The following IFT20 variants were observed in gnomAD, a reference collection of about 807,000 sequenced individuals.
The protein encoded by IFT20 is intraflagellar transport 20.
Under a neutral mutation model 16.9 loss-of-function variants are expected in IFT20, and 4 were observed. The ratio of observed to expected loss-of-function variants is 0.24; its 90% confidence interval spans 0.12 to 0.54. The LOEUF (loss-of-function observed/expected upper bound fraction) is 0.54, where lower values mean the gene tolerates loss of function less well. Among genes scored for constraint, IFT20 ranks in the 20% least tolerant of loss-of-function variants. The pLI, the probability that IFT20 is intolerant of heterozygous loss-of-function variation, is 0.95. For synonymous variants in IFT20, 48 were observed against 49.9 expected (o/e 0.96, Z 0.16); for missense variants, 154 against 149.7 (o/e 1.03, Z -0.15).
At position 28,328,693 on chromosome 17, in the gene IFT20, C is replaced by T. The variant is rs1555575936; in HGVS notation, c.358G>A (p.Glu120Lys). The change falls in exon 5 of 5, where the codon GAA becomes AAA. Residue 120 changes from glutamate (E) to lysine (K), a missense_variant. Coordinates refer to ENST00000395418, the MANE Select transcript of IFT20 (RefSeq NM_001267776.2). ...EYEALCKVEA[E>K]QNEFIDQFIF... ...AATTGGTCAATAAATTCATTTTGTT[C>T]TGCTTCTACTTTACACAAAGCTTCA... 4 of 1,605,334 alleles carry T rather than the reference C, an allele frequency of 2.5e-6. No homozygotes were observed. The highest frequency in any genetic ancestry group is 1.1e-5 in the South Asian group (1 of 88,922).
chr17:28,330,508 T>C lies in IFT20; in HGVS notation c.148A>G (p.Ile50Val), dbSNP rs781871349. The C allele has an allele frequency of 1.2e-5, 19 of 1,613,220 alleles. No homozygotes were observed. Among genetic ancestry groups the C allele is most frequent in the Non-Finnish European group, 1.4e-5 (17 of 1,179,206 alleles). ...FVDKIGQFQK[I>V]VGGLIELVDQ... ...ACAAGCTCAATTAAACCACCAACTATTTTCTGAAACTGGCCAATTTCTTTT... is the reference window on the plus strand; with the variant it reads ...ACAAGCTCAATTAAACCACCAACTACTTTCTGAAACTGGCCAATTTCTTTT... The change falls in exon 3 of 5, where the codon ATA (isoleucine) becomes GTA (valine). Residue 50 changes from isoleucine to valine, a missense_variant. Transcript: ENST00000395418.
Position 28,332,544 on chromosome 17 carries a change from T to C in IFT20, c.-2-557A>G, listed in dbSNP as rs1387491850. 4.7e-5 allele frequency: 9 copies of C among 192,024 alleles called. No homozygotes were observed. In the South Asian group the frequency reaches 5.0e-4, roughly 11 times the overall value. The allele number at this position is 192,024 out of a possible 1,614,324, so 11.9% of individuals were successfully genotyped here. On this transcript the variant is annotated intron_variant, in intron 1 of 4. Coordinates refer to ENST00000395418, the MANE Select transcript of IFT20 (RefSeq NM_001267776.2). Reference sequence around the variant, plus strand: ...TATTTACTTTATATATCACCAGTTATGTACTGAAAAGCACATGAAAAGGCT... The same window carrying C: ...TATTTACTTTATATATCACCAGTTACGTACTGAAAAGCACATGAAAAGGCT...
chr17:28,332,240 A>G (rs1906839114), intron 1 of IFT20: 1 of 1,532,740 alleles, frequency 6.5e-7, no homozygotes, highest in Non-Finnish European at 8.7e-7. Flanking sequence ...GGGTCAGGAA[A>G]GAATAAAGTC....
intron 4 of IFT20, 78 bp downstream of exon 4, chr17:28,329,095 G>T: frequency 1.0e-6 from 1 of 962,558 alleles, no homozygotes; most frequent in Non-Finnish European, 1.7e-6. Context: ...GAAGAATAAG[G>T]ACAAGAAGTG....
In IFT20 at chr17:28,332,042, C is replaced by T. The variant is rs1484966448; in HGVS notation, c.-2-55G>A. The T allele has an allele frequency of 4.5e-5, 72 of 1,612,728 alleles. No individual in the cohort carries two copies. In the Middle Eastern group the frequency reaches 1.6e-3, roughly 37 times the overall value. ...ACTTCCCAGCCACCCAAGGAAATGCCTGCTGCCAAGCCAGCCCCACTCCTG... is the reference window on the plus strand; with the variant it reads ...ACTTCCCAGCCACCCAAGGAAATGCTTGCTGCCAAGCCAGCCCCACTCCTG... On this transcript the variant is annotated intron_variant, in intron 1 of 4. Coordinates refer to ENST00000395418, the MANE Select transcript of IFT20 (RefSeq NM_001267776.2).
intron 1 of IFT20, among the ~76,000 whole-genome samples, chr17:28,334,950 G>T (rs2142376791): frequency 6.6e-6 from 1 of 152,288 alleles, no homozygotes. Flanking sequence ...CAGGGAAAGA[G>T]TTCACAGATT....
chr17:28,329,368 C>A, intron 3 of IFT20, 92 bp from the exon 4 acceptor site: 1 of 974,286 alleles, frequency 1.0e-6, no homozygotes, highest in South Asian at 1.4e-5. Flanking sequence ...GGAGCTGTGT[C>A]AGTCTTCAGA....
intron 3 of IFT20, chr17:28,330,228 T>A (rs1555576292): frequency 5.3e-6 from 3 of 563,968 alleles, no homozygotes; most frequent in African/African-American, 2.6e-5. Context: ...ACAGCAAGAC[T>A]CTGTCTCAAA....
In IFT20 at chr17:28,329,282, G is replaced by T. The variant is rs1027266535; in HGVS notation, c.214-6C>A. Reference sequence around the variant, plus strand: ...AAGTTCCGAGCACCGATGGCCTACAGTATTGCCAGAGAAGGCCATGGCTTC... The same window carrying T: ...AAGTTCCGAGCACCGATGGCCTACATTATTGCCAGAGAAGGCCATGGCTTC... On this transcript the variant is annotated splice_polypyrimidine_tract_variant and splice_region_variant and intron_variant, in intron 3 of 4. Transcript: ENST00000395418. 9 of 1,610,614 alleles carry T rather than the reference G, an allele frequency of 5.6e-6. No individual in the cohort carries two copies. The highest frequency in any genetic ancestry group is 7.6e-6 in the Non-Finnish European group (9 of 1,177,464).
intron 1 of IFT20, chr17:28,332,630 A>G (rs1487731911): frequency 6.4e-6 from 1 of 155,756 alleles, no homozygotes; most frequent in Non-Finnish European, 1.4e-5. Flanking sequence ...AGTAAATTAA[A>G]AATTATGGTT....
chr17:28,332,230 G>C, intron 1 of IFT20: 1 of 1,535,402 alleles, frequency 6.5e-7, no homozygotes, highest in Non-Finnish European at 8.7e-7. Context: ...ATAGGAGCAA[G>C]GGTCAGGAAA....
intron 2 of IFT20, 90 bp from the exon 3 acceptor site, chr17:28,330,618 A>T: frequency 2.3e-6 from 2 of 852,168 alleles, no homozygotes; most frequent in Non-Finnish European, 3.9e-6. Flanking sequence ...GGCAGAGCGG[A>T]CTGCCCCTTC....
At chr17:28,329,465 G>GGAAAGTGT in intron 3 of IFT20, 189 bp from the exon 4 acceptor site, 1 of 566,724 alleles carries the variant, frequency 1.8e-6, no homozygotes. Context: ...GAACTAGACG[G>GGAAAGTGT]CAGCTTTGAG....
chr17:28,331,329 G>T (rs1555576529), intron 2 of IFT20: 1 of 155,416 alleles, frequency 6.4e-6, no homozygotes, highest in Non-Finnish European at 1.4e-5. Flanking sequence ...AGAAAGCTCA[G>T]AAGTCCCTTG....
At chr17:28,332,368 G>C in intron 1 of IFT20, 1 of 618,482 alleles carries the variant, frequency 1.6e-6, no homozygotes, top group Admixed American at 2.9e-5. Context: ...CCGCCCTGAA[G>C]AGCACATAGT....
chr17:28,334,380 T>C (rs1906993474), intron 1 of IFT20, among the ~76,000 whole-genome samples: 2 of 152,222 alleles, frequency 1.3e-5, no homozygotes, highest in African/African-American at 4.8e-5. Context: ...ACAGGAAATT[T>C]GATGCATTCC....
At chr17:28,335,224 T>C (rs782060126) in intron 1 of IFT20, 116 bp downstream of exon 1, 3 of 151,936 alleles carry the variant, frequency 2.0e-5, no homozygotes, top group South Asian at 2.1e-4. Context: ...CCCCTGAGAG[T>C]GGGGCGGAAT....
Position 28,333,647 on chromosome 17 carries a change from T to C in IFT20, c.-2-1660A>G, listed in dbSNP as rs145306451. On this transcript the variant is annotated intron_variant, in intron 1 of 4. Coordinates refer to ENST00000395418, the MANE Select transcript of IFT20 (RefSeq NM_001267776.2). ...CTTAAAATAGGGCTTTTTAAAAAGA[T>C]CTGGCCAGTGCAGTAGCTCATGCCT... 6.4e-4 allele frequency among the ~76,000 whole-genome samples: 98 copies of C among 152,324 alleles called. 1 individual carries two copies. In the East Asian group the frequency reaches 0.018, roughly 29 times the overall value.
In IFT20 at chr17:28,330,497, A is replaced by G; in HGVS notation, c.159T>C (p.Gly53=). The change falls in exon 3 of 5, where the codon GGT becomes GGC. Residue 53 remains glycine (G), a synonymous_variant. Coordinates refer to ENST00000395418, the MANE Select transcript of IFT20 (RefSeq NM_001267776.2). Reference sequence around the variant, plus strand: ...CAAGTTGATCAACAAGCTCAATTAAACCACCAACTATTTTCTGAAACTGGC... The same window carrying G: ...CAAGTTGATCAACAAGCTCAATTAAGCCACCAACTATTTTCTGAAACTGGC... The part of the protein sequence containing the change: ...KIGQFQKIVG[G]LIELVDQLAK... The G allele has an allele frequency of 1.2e-6, 2 of 1,613,642 alleles. No homozygotes were observed. Among genetic ancestry groups the G allele is most frequent in the South Asian group, 1.1e-5 (1 of 91,056 alleles).
Sources: allele counts gnomAD v4.1 joint callset (sites outside exome capture counted in the v4.1 genomes callset), GRCh38; gene constraint gnomAD v4.1.1; transcripts MANE v1.5; gene names NCBI Gene and HGNC (gene_info 2026-07-23, HGNC 2026-07-21).